Variants in DDX31 observed in about 807,000 individuals in gnomAD.
The protein encoded by DDX31 is DEAD-box helicase 31, also known as ATP-dependent DNA helicase DDX31.
Under a neutral mutation model 91.3 loss-of-function variants are expected in DDX31, and 70 were observed. The observed-to-expected ratio is 0.77, with a 90% confidence interval of 0.63 to 0.94. The LOEUF (loss-of-function observed/expected upper bound fraction) is 0.94. Ranked by LOEUF, DDX31 falls within the 40% of genes least tolerant of loss-of-function variation. The pLI is 0.00. For synonymous variants in DDX31, 362 were observed against 350.6 expected (o/e 1.03, Z -0.36); for missense variants, 902 against 925.0 (o/e 0.98, Z 0.32).
At chr9:132,639,032 T>C (rs1833311696) in intron 14 of DDX31, among the ~76,000 whole-genome samples, 1 of 152,160 alleles carries the variant, frequency 6.6e-6, no homozygotes, top group Admixed American at 6.5e-5. Context: ...CGTCCTGAAG[T>C]GGCCCTCGTT....
chr9:132,646,100 G>T, intron 12 of DDX31, 29 bp from the exon 13 acceptor site: 1 of 1,601,246 alleles, frequency 6.2e-7, no homozygotes, highest in South Asian at 1.1e-5. Flanking sequence ...AGGAAAAACC[G>T]ACATATTTTA....
rs1397156806 is a variant in DDX31, at chr9:132,669,165, CTT to C, written c.75+693_75+694del. Reference sequence around the variant, plus strand: ...TCAGATCTTTGAAAGGTGGTAGACTCTTAATCTCTTTAGGATTGGGAGGGCCT... The same window carrying C: ...TCAGATCTTTGAAAGGTGGTAGACTCAATCTCTTTAGGATTGGGAGGGCCT... On this transcript the variant is annotated intron_variant, in intron 1 of 19. Coordinates refer to ENST00000372159, the MANE Select transcript of DDX31 (RefSeq NM_022779.9). Among the ~76,000 whole-genome samples, 5 of 152,126 alleles carry C rather than the reference CTT, an allele frequency of 3.3e-5. No individual in the cohort carries two copies. In the East Asian group the frequency reaches 9.7e-4, roughly 29 times the overall value.
intron 6 of DDX31, among the ~76,000 whole-genome samples, chr9:132,654,802 C>T (rs1368447051): frequency 2.0e-5 from 3 of 151,704 alleles, no homozygotes; most frequent in South Asian, 2.1e-4. Context: ...AAAAATTAGG[C>T]GGGCGTGGTG....
chr9:132,615,321 A>AAC (rs1831568149), intron 18 of DDX31, among the ~76,000 whole-genome samples: 1 of 151,894 alleles, frequency 6.6e-6, no homozygotes, highest in African/African-American at 2.4e-5. Flanking sequence ...TCCAGCCTGG[A>AAC]AGGTGAAGAT....
At position 132,595,165 on chromosome 9, in the gene DDX31, C is replaced by T. The variant is rs917532600; in HGVS notation, c.1995-53G>A. ...AAAGAAACTTTATTATTTTTCTTTC[C>T]CATTTGGAAAGAGGCTGATAGCAGC... On this transcript the variant is annotated intron_variant, in intron 19 of 19. Coordinates refer to ENST00000372159, the MANE Select transcript of DDX31 (RefSeq NM_022779.9). The surrounding 1 kb of genome is among the most constrained non-coding windows in gnomAD (Gnocchi z 4.6). 2.5e-6 allele frequency: 4 copies of T among 1,576,088 alleles called. No homozygotes were observed. In the African/African-American group the frequency reaches 4.1e-5, roughly 16 times the overall value.
intron 18 of DDX31, among the ~76,000 whole-genome samples, chr9:132,614,490 CT>C (rs1444436041): frequency 2.0e-5 from 3 of 152,126 alleles, no homozygotes; most frequent in Non-Finnish European, 4.4e-5. Context: ...ACCCCCAACA[CT>C]CACTCTGGTC....
At position 132,647,017 on chromosome 9, in the gene DDX31, T is replaced by G. The variant is rs562635248; in HGVS notation, c.1009A>C (p.Ser337Arg). 6.0e-5 allele frequency: 97 copies of G among 1,614,114 alleles called. No homozygotes were observed. Among genetic ancestry groups the G allele is most frequent in the Middle Eastern group, 4.9e-4 (3 of 6,084 alleles). The change falls in exon 12 of 20, where the codon AGT (serine) becomes CGT (arginine). Residue 337 changes from serine to arginine, a missense_variant. Transcript: ENST00000372159. ...LADISLHDPVSISVLDKSHDQ... is the reference protein window; with the variant it reads ...LADISLHDPVRISVLDKSHDQ... Reference sequence around the variant, plus strand: ...TGGCTCTTGTCCAGGACAGAAATACTGACTGGATCATGCAAACTGATATCA... The same window carrying G: ...TGGCTCTTGTCCAGGACAGAAATACGGACTGGATCATGCAAACTGATATCA...
chr9:132,628,296 A>G (rs1832518886), intron 16 of DDX31, among the ~76,000 whole-genome samples: 1 of 152,154 alleles, frequency 6.6e-6, no homozygotes, highest in Non-Finnish European at 1.5e-5. Context: ...ATGCTCTTCC[A>G]CCACCCTGCA....
chr9:132,658,362 T>C (rs1199141953), intron 6 of DDX31: 1 of 703,280 alleles, frequency 1.4e-6, no homozygotes, highest in South Asian at 1.5e-5. Context: ...GTAATACCTA[T>C]AACACAGTGG....
intron 19 of DDX31, among the ~76,000 whole-genome samples, chr9:132,602,135 G>C (rs1830754279): frequency 6.6e-6 from 1 of 152,216 alleles, no homozygotes; most frequent in Non-Finnish European, 1.5e-5. Context: ...TAAGACCAAA[G>C]GGTGGAAAAT....
chr9:132,624,838 G>A (rs1832298715), intron 17 of DDX31, among the ~76,000 whole-genome samples: 1 of 152,178 alleles, frequency 6.6e-6, no homozygotes, highest in African/African-American at 2.4e-5. Flanking sequence ...TCAGTGAAAC[G>A]GGGTCCCTCC....
At position 132,660,851 on chromosome 9, in the gene DDX31, T is replaced by C. The variant is rs560841493; in HGVS notation, c.452+357A>G. On this transcript the variant is annotated intron_variant, in intron 4 of 19. Transcript: ENST00000372159. Reference sequence around the variant, plus strand: ...ACTCTATCCAACTGAACATTTACTCTTGTCTTTTTGGTTGACCCTAATTCT... The same window carrying C: ...ACTCTATCCAACTGAACATTTACTCCTGTCTTTTTGGTTGACCCTAATTCT... Among the ~76,000 whole-genome samples, 7 of 152,330 alleles carry C rather than the reference T, an allele frequency of 4.6e-5. No homozygotes were observed. In the East Asian group the frequency reaches 1.3e-3, roughly 29 times the overall value.
At chr9:132,612,883 C>T (rs1353248906) in intron 18 of DDX31, among the ~76,000 whole-genome samples, 4 of 152,092 alleles carry the variant, frequency 2.6e-5, no homozygotes, top group African/African-American at 9.7e-5. Flanking sequence ...TCCCTGATAC[C>T]AGTTTTTTGT....
At chr9:132,664,944 A>G (rs1835216368) in intron 1 of DDX31, among the ~76,000 whole-genome samples, 1 of 152,100 alleles carries the variant, frequency 6.6e-6, no homozygotes, top group Admixed American at 6.5e-5. Context: ...ATGGAGGCTG[A>G]CCAACTCCTT....
At position 132,612,180 on chromosome 9, in the gene DDX31, T is replaced by C. The variant is rs1564284962; in HGVS notation, c.1901A>G (p.His634Arg). 5 of 1,614,130 alleles carry C rather than the reference T, an allele frequency of 3.1e-6. No homozygotes were observed. The highest frequency in any genetic ancestry group is 4.2e-6 in the Non-Finnish European group (5 of 1,180,018). ...LKHIFHVRSLHLGHVAKSFGL... is the reference protein window; with the variant it reads ...LKHIFHVRSLRLGHVAKSFGL... ...GAAGCTCTTCGCCACATGCCCAAGGTGGAGGGATCGGACGTGGAAGATGTG... is the reference window on the plus strand; with the variant it reads ...GAAGCTCTTCGCCACATGCCCAAGGCGGAGGGATCGGACGTGGAAGATGTG... The change falls in exon 19 of 20, where the codon CAC (histidine) becomes CGC (arginine). Residue 634 changes from histidine to arginine, a missense_variant. Coordinates refer to ENST00000372159, the MANE Select transcript of DDX31 (RefSeq NM_022779.9).
rs114514056 is a variant in DDX31 at position 132,619,200 on chromosome 9, T to A, written c.1714-759A>T. ...TTTAACAGTACCAGAGAAAAAAATT[T>A]CCTTTTTAAATATCCCCGCTAAAAA... On this transcript the variant is annotated intron_variant, in intron 17 of 19. Coordinates refer to ENST00000372159, the MANE Select transcript of DDX31 (RefSeq NM_022779.9). 7.0e-3 allele frequency among the ~76,000 whole-genome samples: 1,073 copies of A among 152,348 alleles called. 13 individuals carry two copies. The highest frequency in any genetic ancestry group is 0.024 in the African/African-American group (1,018 of 41,568).
chr9:132,619,951 G>A (rs983567879), intron 17 of DDX31, among the ~76,000 whole-genome samples: 1 of 150,988 alleles, frequency 6.6e-6, no homozygotes, highest in Non-Finnish European at 1.5e-5. Context: ...AGAATCCTCT[G>A]TTATTAAAAA....
At chr9:132,652,939 C>T (rs1834303446) in intron 6 of DDX31, among the ~76,000 whole-genome samples, 1 of 152,082 alleles carries the variant, frequency 6.6e-6, no homozygotes, top group African/African-American at 2.4e-5. Flanking sequence ...CTTTGTCTTC[C>T]CAGTCTCGGG....
intron 4 of DDX31, among the ~76,000 whole-genome samples, chr9:132,660,171 T>C (rs1834843629): frequency 6.6e-6 from 1 of 151,578 alleles, no homozygotes; most frequent in South Asian, 2.1e-4. Flanking sequence ...CCATCTCTAC[T>C]AAAAATACAA....
Sources: allele counts gnomAD v4.1 joint callset (sites outside exome capture counted in the v4.1 genomes callset), GRCh38; gene constraint gnomAD v4.1.1; non-coding constraint Gnocchi (gnomAD v3.1); transcripts MANE v1.5; gene names NCBI Gene and HGNC (gene_info 2026-07-23, HGNC 2026-07-21).